TENM2: variants seen among roughly 807,000 people sequenced by gnomAD.
TENM2 encodes the protein teneurin-2.
TENM2 carries 52 observed loss-of-function variants against 245.2 expected under a neutral mutation model. That is an observed-to-expected ratio of 0.21 (90% confidence interval 0.17 to 0.27). The LOEUF (loss-of-function observed/expected upper bound fraction) is 0.27, where lower values mean the gene tolerates loss of function less well. Ranked by LOEUF, TENM2 falls within the 10% of genes least tolerant of loss-of-function variation. The pLI is 1.00. For synonymous variants in TENM2, 1,363 were observed against 1,438.9 expected (o/e 0.95, Z 1.19); for missense variants, 3,046 against 3,666.8 (o/e 0.83, Z 4.37).
the TENM2 span, among the ~76,000 whole-genome samples, chr5:167,130,502 A>G: frequency 1.4e-3 from 212 of 152,298 alleles, 1 homozygote; most frequent in Non-Finnish European, 7.8e-4. Flanking sequence ...GCATTCACTC[A>G]ACGTCCCACA....
the TENM2 span, among the ~76,000 whole-genome samples, chr5:167,038,230 A>G: frequency 6.6e-6 from 1 of 152,204 alleles, no homozygotes; most frequent in African/African-American, 2.4e-5. Context: ...TCCGTGACCA[A>G]AGGACTCCAT....
intron 2 of TENM2, among the ~76,000 whole-genome samples, chr5:167,749,847 C>A (rs1413029739): frequency 5.9e-5 from 9 of 152,012 alleles, no homozygotes; most frequent in Admixed American, 5.9e-4. Flanking sequence ...ATCTTATAAA[C>A]CATGTATAGT....
At chr5:167,567,884 C>T (rs997085268) in intron 2 of TENM2, among the ~76,000 whole-genome samples, 3 of 151,430 alleles carry the variant, frequency 2.0e-5, no homozygotes, top group Non-Finnish European at 2.9e-5. Context: ...GCATGCCCAT[C>T]AGAATTGCAT....
intron 2 of TENM2, among the ~76,000 whole-genome samples, chr5:167,787,975 G>T (rs1328174763): frequency 6.6e-6 from 1 of 152,152 alleles, no homozygotes; most frequent in Non-Finnish European, 1.5e-5. Flanking sequence ...TCCTTGATAT[G>T]CCTTTAAAAA....
At chr5:167,668,968 A>G (rs902678144) in intron 2 of TENM2, among the ~76,000 whole-genome samples, 1 of 152,180 alleles carries the variant, frequency 6.6e-6, no homozygotes, top group African/African-American at 2.4e-5. Context: ...ATAAATAAAT[A>G]AATAAAATAT....
intron 2 of TENM2, among the ~76,000 whole-genome samples, chr5:167,388,429 C>G (rs1006302880): frequency 2.0e-5 from 3 of 152,084 alleles, no homozygotes; most frequent in African/African-American, 4.8e-5. Context: ...AATGGTCTAT[C>G]AATTTTATTC....
chr5:167,786,995 A>G (rs1256123708), intron 2 of TENM2, among the ~76,000 whole-genome samples: 2 of 152,236 alleles, frequency 1.3e-5, no homozygotes, highest in Non-Finnish European at 1.5e-5. Context: ...TTTGCTAGGT[A>G]TTAAGCACTT....
intron 2 of TENM2, among the ~76,000 whole-genome samples, chr5:167,637,986 A>AT (rs1554093831): frequency 4.6e-5 from 7 of 152,014 alleles, no homozygotes; most frequent in African/African-American, 1.2e-4. Context: ...AAAAAAAAAA[A>AT]ATATTAGAAT....
chr5:167,710,257 A>G (rs1035302407), intron 2 of TENM2, among the ~76,000 whole-genome samples: 7 of 152,198 alleles, frequency 4.6e-5, no homozygotes, highest in African/African-American at 1.7e-4. Flanking sequence ...GCATACACAC[A>G]CACATATTCA....
intron 2 of TENM2, among the ~76,000 whole-genome samples, chr5:167,422,746 C>T (rs1763586320): frequency 5.9e-5 from 9 of 152,068 alleles, no homozygotes; most frequent in Admixed American, 5.2e-4. Flanking sequence ...CCATGAATCC[C>T]AATGCCTCCA....
In TENM2 at chr5:168,218,947, A is replaced by T; in HGVS notation, c.5056A>T (p.Thr1686Ser). ...TGGTCTCATGACCTATGATGGCAAC[A>T]CTGGGCTCCTGGCCACCAAGAGCGA... Residue 1686 changes from threonine (T) to serine (S), a missense_variant, in exon 23 of 29, where the codon ACT becomes TCT. By Grantham distance (58) the Thr-to-Ser change is moderately conservative. Around this residue, in one of 2 missense-constraint regions of TENM2, gnomAD observed 2,704 missense variants for 3,331.9 expected, o/e 0.81. Coordinates refer to ENST00000518659, the Ensembl canonical transcript of TENM2. This position sits in a 1 kb window ranked among gnomAD's most constrained non-coding sequence, Gnocchi z 5.2. The T allele has an allele frequency of 1.2e-6, 2 of 1,613,996 alleles. No individual in the cohort carries two copies. The highest frequency in any genetic ancestry group is 8.5e-7 in the Non-Finnish European group (1 of 1,179,890).
intron 4 of TENM2, among the ~76,000 whole-genome samples, chr5:167,987,432 A>C (rs1411434210): frequency 6.6e-6 from 1 of 151,230 alleles, no homozygotes; most frequent in African/African-American, 2.4e-5. Context: ...GGTTCAAGTG[A>C]TTCTCCTGCC....
chr5:167,337,383 C>T (rs1031726900), intron 1 of TENM2, among the ~76,000 whole-genome samples: 1 of 151,950 alleles, frequency 6.6e-6, no homozygotes, highest in African/African-American at 2.4e-5. Flanking sequence ...CATATTCACC[C>T]GTTCATTCAA....
intron 2 of TENM2, among the ~76,000 whole-genome samples, chr5:167,827,889 T>G (rs569385780): frequency 1.4e-4 from 22 of 152,292 alleles, no homozygotes; most frequent in African/African-American, 3.6e-4. Context: ...TGCTGTGCCC[T>G]GTAGGATCCC....
At chr5:167,689,794 C>G (rs1433240607) in intron 2 of TENM2, among the ~76,000 whole-genome samples, 6 of 151,974 alleles carry the variant, frequency 3.9e-5, no homozygotes, top group Non-Finnish European at 8.8e-5. Flanking sequence ...TGGAGTCTCG[C>G]TCTGTCTCCC....
intron 2 of TENM2, among the ~76,000 whole-genome samples, chr5:167,710,808 G>A (rs915778008): frequency 6.6e-6 from 1 of 152,204 alleles, no homozygotes; most frequent in Non-Finnish European, 1.5e-5. Flanking sequence ...ACTGTGGTAT[G>A]ACAGAAATGC....
chr5:167,275,706 T>C, the TENM2 span, among the ~76,000 whole-genome samples: 1 of 152,138 alleles, frequency 6.6e-6, no homozygotes, highest in Non-Finnish European at 1.5e-5. Flanking sequence ...TTTTATCTTA[T>C]ATCCTATGAC....
chr5:167,834,768 G>A (rs1295620795), intron 2 of TENM2, among the ~76,000 whole-genome samples: 2 of 151,298 alleles, frequency 1.3e-5, no homozygotes, highest in Admixed American at 6.6e-5. Context: ...TCCTGCCTCA[G>A]CCTCCCGAGT....
intron 14 of TENM2, among the ~76,000 whole-genome samples, chr5:168,193,304 A>C (rs775098056): frequency 6.6e-6 from 1 of 152,236 alleles, no homozygotes; most frequent in East Asian, 1.9e-4. Flanking sequence ...AGGAGTAAAA[A>C]AGAACTCGAA....
Sources: gnomAD v4.1 joint callset for allele counts (sites outside exome capture counted in the v4.1 genomes callset) on GRCh38, gnomAD v4.1.1 for gene constraint, gnomAD v4.1.1 regional missense constraint, Gnocchi (gnomAD v3.1) non-coding constraint, MANE v1.5 for transcripts, NCBI Gene and HGNC (gene_info 2026-07-23, HGNC 2026-07-21) for gene names.